The following PTPRD variants were observed in gnomAD, a reference collection of about 807,000 sequenced individuals.
The protein encoded by PTPRD is receptor-type tyrosine-protein phosphatase delta.
In PTPRD, 34 loss-of-function variants were observed where a neutral mutation model predicts 214.5. That is an observed-to-expected ratio of 0.16 (90% confidence interval 0.12 to 0.21). PTPRD has a LOEUF of 0.21. Ranked by LOEUF, PTPRD falls within the 10% of genes least tolerant of loss-of-function variation. The pLI, the probability that PTPRD is intolerant of heterozygous loss-of-function variation, is 1.00. For missense variants in PTPRD, 2,545 were observed against 2,398.7 expected, an observed-to-expected ratio of 1.06 and a Z score of -1.27; for synonymous variants, 1,128 against 845.7, an observed-to-expected ratio of 1.33 and a Z score of -5.79.
chr9:10,448,488 T>C (rs1218911060), intron 2 of PTPRD, among the ~76,000 whole-genome samples: 1 of 151,860 alleles, frequency 6.6e-6, no homozygotes, highest in East Asian at 1.9e-4. Context: ...TAGTGAAAGG[T>C]GGTTCATCTA....
intron 11 of PTPRD, among the ~76,000 whole-genome samples, chr9:8,940,071 A>AT (rs2099021722): frequency 2.0e-5 from 3 of 151,078 alleles, no homozygotes; most frequent in Non-Finnish European, 4.4e-5. Context: ...GTTTGGAAAA[A>AT]AAAAAAAGAA....
intron 2 of PTPRD, among the ~76,000 whole-genome samples, chr9:10,508,250 C>A (rs530488360): frequency 1.3e-5 from 2 of 152,192 alleles, no homozygotes; most frequent in South Asian, 4.1e-4. Flanking sequence ...TATGAGATAC[C>A]ATCTCACACC....
At chr9:9,153,141 G>A (rs1235380468) in intron 10 of PTPRD, among the ~76,000 whole-genome samples, 1 of 152,110 alleles carries the variant, frequency 6.6e-6, no homozygotes, top group Non-Finnish European at 1.5e-5. Flanking sequence ...TGTGAAGGAG[G>A]GAATTAAACC....
chr9:10,289,868 A>G (rs1392314060), intron 3 of PTPRD, among the ~76,000 whole-genome samples: 1 of 152,204 alleles, frequency 6.6e-6, no homozygotes, highest in Non-Finnish European at 1.5e-5. Context: ...TACAGATAGA[A>G]TCTTAAGCAG....
At chr9:8,823,871 T>A (rs961359739) in intron 11 of PTPRD, among the ~76,000 whole-genome samples, 2 of 152,200 alleles carry the variant, frequency 1.3e-5, no homozygotes, top group Non-Finnish European at 2.9e-5. Context: ...GGCTACTTTA[T>A]AGACAGAGTA....
chr9:9,917,380 G>T (rs2081216702), intron 5 of PTPRD, among the ~76,000 whole-genome samples: 1 of 125,156 alleles, frequency 8.0e-6, no homozygotes, highest in Admixed American at 8.6e-5. Flanking sequence ...GAGATCACAG[G>T]AATACAAAAC....
At chr9:8,746,329 C>T (rs777101621) in intron 11 of PTPRD, among the ~76,000 whole-genome samples, 7 of 152,092 alleles carry the variant, frequency 4.6e-5, no homozygotes, top group Non-Finnish European at 7.4e-5. Context: ...GTTGGCGTTA[C>T]AAAGTGATTT....
intron 11 of PTPRD, among the ~76,000 whole-genome samples, chr9:8,874,810 C>A (rs1310682841): frequency 6.6e-6 from 1 of 152,182 alleles, no homozygotes; most frequent in Non-Finnish European, 1.5e-5. Flanking sequence ...TTACTTGAAA[C>A]CACCATGCGG....
chr9:10,511,920 A>G lies in PTPRD; in HGVS notation c.-600+100478T>C, dbSNP rs1208338076. On this transcript the variant is annotated intron_variant, in intron 2 of 45. Coordinates refer to ENST00000381196, the MANE Select transcript of PTPRD (RefSeq NM_002839.4). ...TATATATACATATATATATACGTGT[A>G]TATATATATACGTGTATATATATAT... is the stretch of plus-strand genomic sequence containing the variant. Among the ~76,000 whole-genome samples, 54 of 66,594 alleles carry G rather than the reference A, an allele frequency of 8.1e-4. 1 individual carries two copies. Among genetic ancestry groups the G allele is most frequent in the African/African-American group, 1.7e-3 (35 of 20,068 alleles). 43.7% of individuals were successfully genotyped at this position (66,594 alleles called of 152,430 possible). A position where few individuals can be genotyped will look rare whatever the true frequency, so the allele number is the denominator to read the frequency against.
At chr9:9,240,326 T>C (rs1376780285) in intron 9 of PTPRD, among the ~76,000 whole-genome samples, 1 of 152,182 alleles carries the variant, frequency 6.6e-6, no homozygotes, top group Non-Finnish European at 1.5e-5. Flanking sequence ...TGACATCTTG[T>C]TTTTATAAGG....
chr9:8,606,082 T>C (rs917797831), intron 14 of PTPRD, among the ~76,000 whole-genome samples: 12 of 152,250 alleles, frequency 7.9e-5, no homozygotes, highest in Non-Finnish European at 1.2e-4. Context: ...AAACAATGAA[T>C]GGATCTACAT....
chr9:9,351,677 T>C (rs7035690), intron 9 of PTPRD, among the ~76,000 whole-genome samples: 10,118 of 152,094 alleles, frequency 0.067, 1,136 homozygotes, highest in African/African-American at 0.23. Context: ...ACTTATCTTC[T>C]CTTTTCAGTT....
intron 2 of PTPRD, among the ~76,000 whole-genome samples, chr9:10,548,229 C>T (rs1434918461): frequency 1.3e-5 from 2 of 152,052 alleles, no homozygotes; most frequent in African/African-American, 4.8e-5. Flanking sequence ...AGAACATATG[C>T]GGAATGAGCT....
chr9:8,739,797 T>G (rs1335924809), intron 11 of PTPRD, among the ~76,000 whole-genome samples: 1 of 152,136 alleles, frequency 6.6e-6, no homozygotes, highest in Admixed American at 6.6e-5. Flanking sequence ...ATAACTGAAT[T>G]ATAGGGGCAG....
At chr9:9,490,715 T>C (rs1045835704) in intron 8 of PTPRD, among the ~76,000 whole-genome samples, 1 of 151,804 alleles carries the variant, frequency 6.6e-6, no homozygotes, top group Non-Finnish European at 1.5e-5. Flanking sequence ...AGAAAGCAGC[T>C]ATAAAATATA....
intron 11 of PTPRD, among the ~76,000 whole-genome samples, chr9:8,870,190 T>C (rs2098271278): frequency 6.6e-6 from 1 of 151,514 alleles, no homozygotes; most frequent in East Asian, 1.9e-4. Flanking sequence ...CCCTGCCCTT[T>C]AAATTATATT....
At chr9:8,903,574 TGTAA>T (rs1306873642) in intron 11 of PTPRD, among the ~76,000 whole-genome samples, 2 of 152,220 alleles carry the variant, frequency 1.3e-5, no homozygotes, top group Admixed American at 6.5e-5. Flanking sequence ...GTTGTTGCAC[TGTAA>T]GTAACAATTT....
chr9:9,816,478 G>T (rs1598620388), intron 5 of PTPRD, among the ~76,000 whole-genome samples: 1 of 151,754 alleles, frequency 6.6e-6, no homozygotes, highest in African/African-American at 2.4e-5. Flanking sequence ...CTCACTATTT[G>T]AACAATATAA....
intron 34 of PTPRD, among the ~76,000 whole-genome samples, chr9:8,447,189 GTC>G (rs2095764324): frequency 6.6e-6 from 1 of 152,132 alleles, no homozygotes; most frequent in South Asian, 2.1e-4. Flanking sequence ...TCCTTTTCTA[GTC>G]TCCTCCTCTA....
Sources: allele counts gnomAD v4.1 joint callset (sites outside exome capture counted in the v4.1 genomes callset), GRCh38; gene constraint gnomAD v4.1.1; transcripts MANE v1.5; gene names NCBI Gene and HGNC (gene_info 2026-07-23, HGNC 2026-07-21).